Variants in TENM2 observed in about 807,000 individuals in gnomAD.
TENM2 encodes the protein teneurin transmembrane protein 2, also known as teneurin-2.
TENM2 carries 52 observed loss-of-function variants against 245.2 expected under a neutral mutation model. The observed-to-expected ratio is 0.21, with a 90% CI of 0.17 to 0.27. TENM2 has a LOEUF of 0.27. Ranked by LOEUF, TENM2 falls within the 10% of genes least tolerant of loss-of-function variation. The pLI, the probability that TENM2 is intolerant of heterozygous loss-of-function variation, is 1.00. For missense variants in TENM2, 3,046 were observed against 3,666.8 expected (o/e 0.83, Z 4.37); for synonymous variants, 1,363 against 1,438.9 (o/e 0.95, Z 1.19).
chr5:167,607,486 A>G (rs1480164744), intron 2 of TENM2, among the ~76,000 whole-genome samples: 1 of 152,190 alleles, frequency 6.6e-6, no homozygotes, highest in Non-Finnish European at 1.5e-5. Flanking sequence ...TGGAGTTTGA[A>G]TGTTTCCTGT....
chr5:167,462,860 G>A (rs770906823), intron 2 of TENM2, among the ~76,000 whole-genome samples: 2 of 151,988 alleles, frequency 1.3e-5, no homozygotes, highest in African/African-American at 2.4e-5. Context: ...AGGCTGGAGG[G>A]TGGAGCGTTT....
At chr5:167,730,544 A>G (rs1760350356) in intron 2 of TENM2, among the ~76,000 whole-genome samples, 1 of 152,104 alleles carries the variant, frequency 6.6e-6, no homozygotes, top group Non-Finnish European at 1.5e-5. Context: ...TTATTATATG[A>G]TAAGACACAG....
intron 2 of TENM2, among the ~76,000 whole-genome samples, chr5:167,378,864 CTTTTTTTT>C (rs35919553): frequency 3.7e-5 from 5 of 136,198 alleles, no homozygotes; most frequent in African/African-American, 1.1e-4. Context: ...TAAAAATTTC[CTTTTTTTT>C]TTTTTTTTCC....
At chr5:167,971,095 TG>T (rs1781741783) in intron 4 of TENM2, among the ~76,000 whole-genome samples, 2 of 152,144 alleles carry the variant, frequency 1.3e-5, no homozygotes, top group African/African-American at 4.8e-5. Context: ...CCATTCAGTT[TG>T]GGGAAAAGAG....
At chr5:167,091,735 G>A in the TENM2 span, among the ~76,000 whole-genome samples, 1 of 152,148 alleles carries the variant, frequency 6.6e-6, no homozygotes, top group African/African-American at 2.4e-5. Context: ...ATTTCACACT[G>A]TTAAGGTGAC....
intron 13 of TENM2, among the ~76,000 whole-genome samples, chr5:168,165,647 A>ACC (rs1562237614): frequency 6.3e-5 from 1 of 15,906 alleles, no homozygotes; most frequent in Non-Finnish European, 1.2e-4. Flanking sequence ...TCCCCCCCCC[A>ACC]ACCCCCCCCC....
Position 167,384,699 on chromosome 5 carries a change from C to T in TENM2, c.502+9226C>T, listed in dbSNP as rs112589488. Among the ~76,000 whole-genome samples the T allele has an allele frequency of 3.5e-4, 40 of 113,940 alleles. 1 individual carries two copies. Among genetic ancestry groups the T allele is most frequent in the African/African-American group, 1.1e-3 (26 of 22,754 alleles). The allele number at this position is 113,940 out of a possible 152,430, so 74.7% of individuals were successfully genotyped here. On this transcript the variant is annotated intron_variant, in intron 2 of 28. Coordinates refer to ENST00000518659, the Ensembl canonical transcript of TENM2. ...CACACAGATACAGCGCGTGCACACG[C>T]GTGCGCGCACACACGCACACACACA...
chr5:167,692,039 G>C (rs893397764), intron 2 of TENM2, among the ~76,000 whole-genome samples: 1 of 151,996 alleles, frequency 6.6e-6, no homozygotes, highest in African/African-American at 2.4e-5. Flanking sequence ...CTGCCTTCCT[G>C]AATAATTGCT....
At chr5:167,656,729 C>G (rs1754866461) in intron 2 of TENM2, among the ~76,000 whole-genome samples, 1 of 151,962 alleles carries the variant, frequency 6.6e-6, no homozygotes, top group African/African-American at 2.4e-5. Flanking sequence ...GTTACAGGTT[C>G]CAAATTAAAG....
intron 2 of TENM2, among the ~76,000 whole-genome samples, chr5:167,420,677 A>C (rs945531251): frequency 6.6e-6 from 1 of 152,096 alleles, no homozygotes; most frequent in Non-Finnish European, 1.5e-5. Flanking sequence ...CCATTGTGTA[A>C]ACTTGCAACT....
chr5:167,430,664 AAAAC>A (rs772268167), intron 2 of TENM2, among the ~76,000 whole-genome samples: 4 of 152,224 alleles, frequency 2.6e-5, no homozygotes, highest in Non-Finnish European at 5.9e-5. Flanking sequence ...AGCAAAAATC[AAAAC>A]AAACAAACAG....
chr5:167,062,139 T>C, the TENM2 span, among the ~76,000 whole-genome samples: 1 of 152,302 alleles, frequency 6.6e-6, no homozygotes, highest in Admixed American at 6.5e-5. Flanking sequence ...CTATGAGTTG[T>C]TGGTCTCAAT....
At chr5:168,126,666 C>T in intron 11 of TENM2, 88 bp from the exon 14 acceptor site, 2 of 1,110,390 alleles carry the variant, frequency 1.8e-6, no homozygotes, top group East Asian at 2.6e-5. Context: ...GGGCCTGCTC[C>T]AGGGGTCTGG....
At chr5:167,988,263 A>G (rs1178351293) in intron 4 of TENM2, among the ~76,000 whole-genome samples, 1 of 152,194 alleles carries the variant, frequency 6.6e-6, no homozygotes, top group Non-Finnish European at 1.5e-5. Context: ...TGGTCTTGGA[A>G]AAGGTTGTAA....
At chr5:167,821,855 G>T (rs914587865) in intron 2 of TENM2, among the ~76,000 whole-genome samples, 1 of 151,942 alleles carries the variant, frequency 6.6e-6, no homozygotes, top group African/African-American at 2.4e-5. Context: ...CTTATCTACT[G>T]CTTTAAGTGG....
At chr5:167,661,121 G>C (rs528832146) in intron 2 of TENM2, among the ~76,000 whole-genome samples, 2 of 152,116 alleles carry the variant, frequency 1.3e-5, no homozygotes, top group Non-Finnish European at 2.9e-5. Context: ...CTTATTTACT[G>C]TTGTGACTGT....
At chr5:167,681,996 A>T (rs1206105858) in intron 2 of TENM2, among the ~76,000 whole-genome samples, 1 of 151,866 alleles carries the variant, frequency 6.6e-6, no homozygotes, top group East Asian at 1.9e-4. Context: ...TTCCTTGAGA[A>T]AAAAAGCACA....
chr5:167,283,122 C>T (rs1246513106), upstream of TENM2, among the ~76,000 whole-genome samples: 2 of 151,988 alleles, frequency 1.3e-5, no homozygotes, highest in Non-Finnish European at 2.9e-5. Context: ...CAGCTCACTG[C>T]AACCTCTGCC....
chr5:166,997,733 A>G, the TENM2 span, among the ~76,000 whole-genome samples: 1 of 152,212 alleles, frequency 6.6e-6, no homozygotes, highest in Admixed American at 6.5e-5. Flanking sequence ...ATCAGGGAAG[A>G]CAGTGCTGGA....
Sources: gnomAD v4.1 joint callset for allele counts (sites outside exome capture counted in the v4.1 genomes callset) on GRCh38, gnomAD v4.1.1 for gene constraint, MANE v1.5 for transcripts, NCBI Gene and HGNC (gene_info 2026-07-23, HGNC 2026-07-21) for gene names.